The following MON2 variants were observed in gnomAD, a reference collection of about 807,000 sequenced individuals.
The protein encoded by MON2 is protein MON2 homolog.
MON2 carries 84 observed loss-of-function variants against 208.6 expected under a neutral mutation model. The observed-to-expected ratio is 0.40, with a 90% CI of 0.34 to 0.48. The LOEUF (loss-of-function observed/expected upper bound fraction) is 0.48, where lower values mean the gene tolerates loss of function less well. Ranked by LOEUF, MON2 falls within the 20% of genes least tolerant of loss-of-function variation. The pLI is 0.59. For missense variants in MON2, 1,611 were observed against 2,015.4 expected, an observed-to-expected ratio of 0.80 and a Z score of 3.84; for synonymous variants, 660 against 694.0, an observed-to-expected ratio of 0.95 and a Z score of 0.77.
At chr12:62,519,900 C>T (rs2071921522) in intron 8 of MON2, among the ~76,000 whole-genome samples, 1 of 152,274 alleles carries the variant, frequency 6.6e-6, no homozygotes, top group African/African-American at 2.4e-5. Flanking sequence ...ACTGTAAACT[C>T]CGCCTCCTGG....
chr12:62,497,818 G>T (rs2070609905), intron 4 of MON2, among the ~76,000 whole-genome samples: 1 of 152,140 alleles, frequency 6.6e-6, no homozygotes, highest in Non-Finnish European at 1.5e-5. Flanking sequence ...GTTTCACCAT[G>T]TTGGCCGGGC....
At chr12:62,543,967 A>G (rs2073362099) in intron 20 of MON2, among the ~76,000 whole-genome samples, 1 of 152,226 alleles carries the variant, frequency 6.6e-6, no homozygotes, top group East Asian at 1.9e-4. Flanking sequence ...CTAACTATAG[A>G]TAGTGCTGGA....
At chr12:62,533,045 A>G (rs2072731599) in intron 12 of MON2, among the ~76,000 whole-genome samples, 1 of 152,172 alleles carries the variant, frequency 6.6e-6, no homozygotes, top group Non-Finnish European at 1.5e-5. Flanking sequence ...TATGTGTTGA[A>G]TTTAGTTGCC....
At chr12:62,541,052 G>A (rs2073208673) in intron 19 of MON2, among the ~76,000 whole-genome samples, 1 of 152,166 alleles carries the variant, frequency 6.6e-6, no homozygotes, top group African/African-American at 2.4e-5. Flanking sequence ...CCTCGTTGCA[G>A]GAATTTGTGC....
rs1404099160 is a variant in MON2 at position 62,599,917 on chromosome 12, T to G, written c.*7168T>G. 10 of 152,228 alleles carry G rather than the reference T, an allele frequency of 6.6e-5. No individual in the cohort carries two copies. The highest frequency in any genetic ancestry group is 2.4e-4 in the African/African-American group (10 of 41,452). 9.4% of individuals were successfully genotyped at this position (152,228 alleles called of 1,614,324 possible). A position where few individuals can be genotyped will look rare whatever the true frequency, so the allele number is the denominator to read the frequency against. ...GATGACCTTGAAAGTTGCATTGGGT[T>G]TTTATTATTGGTCCAGGTTTAAAAC... is the stretch of plus-strand genomic sequence containing the variant. On this transcript the variant is annotated 3_prime_UTR_variant, in exon 35 of 35. Transcript: ENST00000393630.
Position 62,484,216 on chromosome 12 carries a change from A to C in MON2, c.158A>C (p.Asn53Thr), listed in dbSNP as rs1338982448. 1 of 1,600,598 alleles carries C rather than the reference A, an allele frequency of 6.2e-7. No homozygotes were observed. The highest frequency in any genetic ancestry group is 1.3e-5 in the African/African-American group (1 of 74,492). ...IIKVKTIAAR[N>T]TEILAALKEN... The stretch of plus-strand genomic sequence containing the variant: ...AAAGTTAAAACAATTGCTGCACGAA[A>C]CACTGAAATTTTGGCAGGTAATTTT... The change falls in exon 2 of 35, where the codon AAC (asparagine) becomes ACC (threonine). Residue 53 changes from asparagine to threonine, a missense_variant. Asn to Thr is a moderately conservative substitution (Grantham distance 65, BLOSUM62 0). Transcript: ENST00000393630.
At chr12:62,502,045 C>T (rs1017890433) in intron 7 of MON2, among the ~76,000 whole-genome samples, 3 of 152,006 alleles carry the variant, frequency 2.0e-5, no homozygotes, top group Non-Finnish European at 2.9e-5. Flanking sequence ...TATGGTGAAA[C>T]CCTGTCTCTA....
At chr12:62,547,624 A>T (rs1446553308) in intron 22 of MON2, among the ~76,000 whole-genome samples, 2 of 152,198 alleles carry the variant, frequency 1.3e-5, no homozygotes, top group African/African-American at 4.8e-5. Flanking sequence ...CCTGCCCTAG[A>T]CATAGAATCC....
At chr12:62,555,902 A>G in intron 24 of MON2, 92 bp from the exon 25 acceptor site, 1 of 956,874 alleles carries the variant, frequency 1.0e-6, no homozygotes, top group Non-Finnish European at 1.6e-6. Context: ...TATTTTTTGT[A>G]ACAATTTGTA....
intron 34 of MON2, among the ~76,000 whole-genome samples, chr12:62,589,723 A>G (rs1399446804): frequency 6.7e-6 from 1 of 148,712 alleles, no homozygotes; most frequent in East Asian, 2.0e-4. Context: ...CATCCTGGAC[A>G]GTGTAGTCAG....
intron 8 of MON2, among the ~76,000 whole-genome samples, chr12:62,511,688 T>C (rs1295603145): frequency 6.6e-6 from 1 of 152,214 alleles, no homozygotes; most frequent in African/African-American, 2.4e-5. Flanking sequence ...AAAATCTTTA[T>C]GACATTGGAT....
At chr12:62,538,633 T>G in intron 19 of MON2, 128 bp downstream of exon 19, 1 of 656,988 alleles carries the variant, frequency 1.5e-6, no homozygotes. Flanking sequence ...CTCTGTTGGG[T>G]TTTTACCACT....
At chr12:62,538,620 A>G (rs1198047061) in intron 19 of MON2, 115 bp downstream of exon 19, 1 of 740,276 alleles carries the variant, frequency 1.4e-6, no homozygotes, top group East Asian at 2.7e-5. Context: ...TATGGTAACC[A>G]TACTCTGTTG....
At chr12:62,521,993 G>A (rs926996954) in intron 8 of MON2, among the ~76,000 whole-genome samples, 1 of 152,126 alleles carries the variant, frequency 6.6e-6, no homozygotes, top group African/African-American at 2.4e-5. Context: ...AGGAGTCCGA[G>A]ACCATCCTGA....
chr12:62,524,782 G>GTAT (rs2072249241), intron 9 of MON2, 143 bp downstream of exon 9: 2 of 867,596 alleles, frequency 2.3e-6, no homozygotes, highest in Middle Eastern at 3.0e-4. Flanking sequence ...AGAAAATAGG[G>GTAT]TATTGTATCT....
At chr12:62,549,313 A>T (rs1406764648) in intron 22 of MON2, among the ~76,000 whole-genome samples, 1 of 152,098 alleles carries the variant, frequency 6.6e-6, no homozygotes. Context: ...GTATTTTTAC[A>T]CATTTCTTTT....
At chr12:62,586,580 G>T (rs1467188417) in intron 33 of MON2, among the ~76,000 whole-genome samples, 1 of 151,902 alleles carries the variant, frequency 6.6e-6, no homozygotes, top group Non-Finnish European at 1.5e-5. Flanking sequence ...TTAGCTATTT[G>T]TATTTCTTCT....
At chr12:62,518,019 C>A (rs2071791540) in intron 8 of MON2, among the ~76,000 whole-genome samples, 1 of 152,140 alleles carries the variant, frequency 6.6e-6, no homozygotes, top group Non-Finnish European at 1.5e-5. Flanking sequence ...AGTTCTGGAG[C>A]CTCAGAAGTC....
intron 20 of MON2, among the ~76,000 whole-genome samples, chr12:62,543,426 T>G (rs1202720590): frequency 6.6e-6 from 1 of 152,176 alleles, no homozygotes; most frequent in Non-Finnish European, 1.5e-5. Context: ...CATTTTAAAG[T>G]GAGAAATATC....
Sources: allele counts gnomAD v4.1 joint callset (sites outside exome capture counted in the v4.1 genomes callset), GRCh38; gene constraint gnomAD v4.1.1; transcripts MANE v1.5; gene names NCBI Gene and HGNC (gene_info 2026-07-23, HGNC 2026-07-21).